Variants in ARHGAP26 observed in about 807,000 individuals in gnomAD.
ARHGAP26 encodes rho GTPase-activating protein 26.
Under a neutral mutation model 104.8 loss-of-function variants are expected in ARHGAP26, and 38 were observed. The ratio of observed to expected loss-of-function variants is 0.36; its 90% CI spans 0.28 to 0.48. The LOEUF (loss-of-function observed/expected upper bound fraction) is 0.48, where lower values mean the gene tolerates loss of function less well. Among genes scored for constraint, ARHGAP26 ranks in the 20% least tolerant of loss-of-function variants. The pLI is 0.99. For missense variants in ARHGAP26, 704 were observed against 947.9 expected (o/e 0.74, Z 3.38); for synonymous variants, 341 against 340.0 (o/e 1.00, Z -0.03).
chr5:143,122,084 C>T (rs1302925827), intron 18 of ARHGAP26, among the ~76,000 whole-genome samples: 2 of 152,066 alleles, frequency 1.3e-5, no homozygotes, highest in Non-Finnish European at 2.9e-5. Context: ...CTTTCTTGTA[C>T]CCTTGGCCTG....
At chr5:142,811,280 A>G (rs920327068) in intron 1 of ARHGAP26, among the ~76,000 whole-genome samples, 1 of 152,110 alleles carries the variant, frequency 6.6e-6, no homozygotes, top group Non-Finnish European at 1.5e-5. Context: ...TATGCTGGGT[A>G]TACAGTAATA....
intron 1 of ARHGAP26, among the ~76,000 whole-genome samples, chr5:142,793,252 CTTTTTTTTTTT>C (rs56941301): frequency 9.3e-6 from 1 of 107,174 alleles, no homozygotes; most frequent in Non-Finnish European, 1.8e-5. Context: ...TATCCCTTTG[CTTTTTTTTTTT>C]TTTTTTTTTT....
intron 20 of ARHGAP26, among the ~76,000 whole-genome samples, chr5:143,173,899 G>A (rs1001781062): frequency 6.6e-6 from 1 of 152,124 alleles, no homozygotes; most frequent in Admixed American, 6.5e-5. Context: ...CATTGAGGCT[G>A]GTCTGCCCAC....
intron 17 of ARHGAP26, among the ~76,000 whole-genome samples, chr5:143,108,128 C>T (rs1382889230): frequency 6.6e-6 from 1 of 152,168 alleles, no homozygotes; most frequent in Non-Finnish European, 1.5e-5. Flanking sequence ...TGATTTAGTG[C>T]AGCAAGGAGC....
At chr5:142,836,234 G>T (rs1769536392) in intron 1 of ARHGAP26, among the ~76,000 whole-genome samples, 2 of 152,186 alleles carry the variant, frequency 1.3e-5, no homozygotes, top group Non-Finnish European at 2.9e-5. Context: ...TGATCTCTCT[G>T]GGGTTTTGGC....
chr5:142,822,772 TG>T (rs1338650825), intron 1 of ARHGAP26, among the ~76,000 whole-genome samples: 1 of 152,202 alleles, frequency 6.6e-6, no homozygotes, highest in Non-Finnish European at 1.5e-5. Flanking sequence ...TCTGGAACCT[TG>T]GACATTATAT....
intron 8 of ARHGAP26, among the ~76,000 whole-genome samples, chr5:142,906,949 C>G (rs1180313883): frequency 6.6e-6 from 1 of 152,084 alleles, no homozygotes; most frequent in African/African-American, 2.4e-5. Flanking sequence ...AAGTCCTTTG[C>G]AGGCTGACTA....
At chr5:143,158,880 C>T (rs554625580) in intron 20 of ARHGAP26, among the ~76,000 whole-genome samples, 36 of 152,222 alleles carry the variant, frequency 2.4e-4, no homozygotes, top group African/African-American at 8.7e-4. Context: ...TGTCCACAAA[C>T]AAACAAACAA....
intron 5 of ARHGAP26, among the ~76,000 whole-genome samples, chr5:142,889,396 T>A (rs1384718999): frequency 6.6e-6 from 1 of 152,060 alleles, no homozygotes; most frequent in Non-Finnish European, 1.5e-5. Context: ...GTGGATCACT[T>A]GAGGTCAAGA....
intron 4 of ARHGAP26, among the ~76,000 whole-genome samples, chr5:142,882,429 G>A (rs1461615655): frequency 6.6e-6 from 1 of 152,220 alleles, no homozygotes; most frequent in Non-Finnish European, 1.5e-5. Context: ...ATATGTGAGA[G>A]CCTGCTCTGT....
rs565532063 is a variant in ARHGAP26 at position 143,178,576 on chromosome 5, G to A, written c.1989-28622G>A. Reference sequence around the variant, plus strand: ...TTCCCTGCTGCCCTGCCCCTTGACTGGCTTAGGTGCCACTATTCAGCGCTA... The same window carrying A: ...TTCCCTGCTGCCCTGCCCCTTGACTAGCTTAGGTGCCACTATTCAGCGCTA... On this transcript the variant is annotated intron_variant, in intron 20 of 22. Coordinates refer to ENST00000645722, the MANE Select transcript of ARHGAP26 (RefSeq NM_001135608.3). Among the ~76,000 whole-genome samples the A allele has an allele frequency of 8.5e-5, 13 of 152,234 alleles. No homozygotes were observed. In the South Asian group the frequency reaches 1.5e-3, roughly 17 times the overall value.
chr5:142,815,509 T>C (rs1352940610), intron 1 of ARHGAP26, among the ~76,000 whole-genome samples: 1 of 152,230 alleles, frequency 6.6e-6, no homozygotes, highest in East Asian at 1.9e-4. Context: ...CTAAGGTTGG[T>C]TAGTTTTATT....
chr5:142,890,288 G>A (rs1412707452), intron 5 of ARHGAP26, among the ~76,000 whole-genome samples: 7 of 149,108 alleles, frequency 4.7e-5, no homozygotes, highest in Non-Finnish European at 8.9e-5. Context: ...GTTAAAATGT[G>A]TGTTTATCTA....
intron 21 of ARHGAP26, chr5:143,207,598 A>G (rs1808772145): frequency 5.3e-6 from 6 of 1,132,232 alleles, no homozygotes; most frequent in African/African-American, 1.6e-5. Context: ...GACCATTTGC[A>G]TGAATCAGCA....
At chr5:142,826,562 G>A (rs924095850) in intron 1 of ARHGAP26, among the ~76,000 whole-genome samples, 17 of 152,342 alleles carry the variant, frequency 1.1e-4, no homozygotes, top group African/African-American at 3.1e-4. Context: ...TGGGTTGTCC[G>A]TAGGGGAGTT....
At chr5:143,101,281 C>T (rs1303644146) in intron 17 of ARHGAP26, among the ~76,000 whole-genome samples, 1 of 152,136 alleles carries the variant, frequency 6.6e-6, no homozygotes, top group Non-Finnish European at 1.5e-5. Flanking sequence ...CAGAAAATTA[C>T]TCTGGTTCGA....
rs889987440 is a variant in ARHGAP26 at position 143,055,492 on chromosome 5, A to G, written c.1374-536A>G. Reference sequence around the variant, plus strand: ...CTATCAGGAAAAAACCCTCAAGTTTATGGTTAAACATACTCATACCCCAGC... The same window carrying G: ...CTATCAGGAAAAAACCCTCAAGTTTGTGGTTAAACATACTCATACCCCAGC... On this transcript the variant is annotated intron_variant, in intron 15 of 22. Transcript: ENST00000645722. Among the ~76,000 whole-genome samples, 10 of 152,338 alleles carry G rather than the reference A, an allele frequency of 6.6e-5. No homozygotes were observed. The South Asian group carries it at 1.0e-3, about 16-fold the overall frequency.
intron 1 of ARHGAP26, among the ~76,000 whole-genome samples, chr5:142,872,744 C>T (rs916781262): frequency 3.3e-5 from 5 of 152,116 alleles, no homozygotes; most frequent in Non-Finnish European, 5.9e-5. Flanking sequence ...GCTTTGTTCT[C>T]CTGGTGGTGT....
chr5:142,920,111 A>G (rs1763002514), intron 10 of ARHGAP26, among the ~76,000 whole-genome samples: 1 of 152,182 alleles, frequency 6.6e-6, no homozygotes, highest in Non-Finnish European at 1.5e-5. Flanking sequence ...TATAATTTAT[A>G]TTGGTTAATT....
Sources: gnomAD v4.1 joint callset for allele counts (sites outside exome capture counted in the v4.1 genomes callset) on GRCh38, gnomAD v4.1.1 for gene constraint, MANE v1.5 for transcripts, NCBI Gene and HGNC (gene_info 2026-07-23, HGNC 2026-07-21) for gene names.